Variants in CNR1 observed in about 807,000 individuals in gnomAD.
CNR1 encodes the protein cannabinoid receptor 1, also known as cannabinoid receptor 1 (brain).
In CNR1, 10 loss-of-function variants were observed where a neutral mutation model predicts 23.0. The ratio of observed to expected loss-of-function variants is 0.43; its 90% confidence interval spans 0.27 to 0.74. The LOEUF (loss-of-function observed/expected upper bound fraction) is 0.74. Ranked by LOEUF, CNR1 falls within the 30% of genes least tolerant of loss-of-function variation. The pLI, the probability that CNR1 is intolerant of heterozygous loss-of-function variation, is 0.19. For missense variants in CNR1, 422 were observed against 618.8 expected (o/e 0.68, Z 3.37); for synonymous variants, 271 against 255.2 (o/e 1.06, Z -0.59).
intron 1 of CNR1, among the ~76,000 whole-genome samples, chr6:88,155,723 A>G (rs1301798077): frequency 1.3e-5 from 2 of 152,244 alleles, no homozygotes; most frequent in Non-Finnish European, 2.9e-5. Context: ...GCAACAAAGT[A>G]TGCCAATTAA....
intron 1 of CNR1, among the ~76,000 whole-genome samples, chr6:88,146,080 T>C (rs192947710): frequency 1.7e-4 from 26 of 152,254 alleles, no homozygotes; most frequent in Admixed American, 1.4e-3. Flanking sequence ...ATGAGGCGTA[T>C]AGGAAGACAG....
At chr6:88,154,146 G>A (rs1777672065) in intron 1 of CNR1, among the ~76,000 whole-genome samples, 1 of 152,124 alleles carries the variant, frequency 6.6e-6, no homozygotes, top group Admixed American at 6.5e-5. Context: ...TAAAATAGAA[G>A]TTATTTAATG....
chr6:88,153,730 C>CATTA (rs2127760910), intron 1 of CNR1, among the ~76,000 whole-genome samples: 2 of 152,312 alleles, frequency 1.3e-5, no homozygotes, highest in Non-Finnish European at 2.9e-5. Flanking sequence ...AAATACTGTG[C>CATTA]TAATGTATTT....
chr6:88,146,567 T>A (rs1777199348), intron 1 of CNR1, among the ~76,000 whole-genome samples: 1 of 152,232 alleles, frequency 6.6e-6, no homozygotes, highest in Non-Finnish European at 1.5e-5. Context: ...AACTTTAAGG[T>A]TCTTCGATTC....
At chr6:88,155,427 C>A (rs1463074237) in intron 1 of CNR1, among the ~76,000 whole-genome samples, 3 of 152,196 alleles carry the variant, frequency 2.0e-5, no homozygotes, top group African/African-American at 7.2e-5. Context: ...CTATTCCACA[C>A]ACTCAGAGAG....
At chr6:88,164,490 C>A (rs1211145714) in intron 1 of CNR1, 1 of 152,192 alleles carries the variant, frequency 6.6e-6, no homozygotes, top group Non-Finnish European at 1.5e-5. Context: ...TGGATATAAT[C>A]TGAAAGTAAT....
In CNR1 at chr6:88,143,181, T is replaced by G. The variant is rs1582319353; in HGVS notation, c.*675A>C. The G allele has an allele frequency of 6.6e-6, 1 of 152,390 alleles. No individual in the cohort carries two copies. The highest frequency in any genetic ancestry group is 2.1e-4 in the South Asian group (1 of 4,830). 9.4% of individuals were successfully genotyped at this position (152,390 alleles called of 1,614,324 possible). A position where few individuals can be genotyped will look rare whatever the true frequency, so the allele number is the denominator to read the frequency against. The stretch of plus-strand genomic sequence containing the variant: ...TTTTGAAGTCTTCAAATTCTTCTTG[T>G]TGAGGTAACAGAAAAATAAACCTTT... On this transcript the variant is annotated 3_prime_UTR_variant, in exon 2 of 2. Coordinates refer to ENST00000369501, the MANE Select transcript of CNR1 (RefSeq NM_016083.6).
In CNR1 at chr6:88,144,909, C is replaced by T. The variant is rs776165681; in HGVS notation, c.366G>A (p.Leu122=). The T allele has an allele frequency of 6.2e-7, 1 of 1,614,198 alleles. No homozygotes were observed. The highest frequency in any genetic ancestry group is 8.5e-7 in the Non-Finnish European group (1 of 1,180,024). Residue 122 remains leucine, a synonymous_variant, in exon 2 of 2, where the codon CTG becomes CTA. Coordinates refer to ENST00000369501, the MANE Select transcript of CNR1 (RefSeq NM_016083.6). This position sits in a 1 kb window ranked among gnomAD's most constrained non-coding sequence, Gnocchi z 7.8. ...CCGTGAAGGTGCCCAGCGTGAGGGA[C>T]AGGACTGCAATGGCCAGCTGCTGGC... is the stretch of plus-strand genomic sequence containing the variant. ...NPSQQLAIAV[L]SLTLGTFTVL...
chr6:88,144,334 T>G lies in CNR1; in HGVS notation c.941A>C (p.Gln314Pro). The change falls in exon 2 of 2, where the codon CAG (glutamine) becomes CCG (proline). Residue 314 changes from glutamine (Q) to proline (P), a missense_variant. Gln to Pro is a moderately conservative substitution (Grantham distance 76). This residue lies in a region of CNR1 where 211 missense variants were observed against 357.3 expected (regional missense o/e 0.59). Coordinates refer to ENST00000369501, the MANE Select transcript of CNR1 (RefSeq NM_016083.6). This position sits in a 1 kb window ranked among gnomAD's most constrained non-coding sequence, Gnocchi z 7.8. Reference sequence around the variant, plus strand: ...AGACGTGTGGATGATGATGCTCTTCTGGGTGCCACGCTGAATCATGCGGAC... The same window carrying G: ...AGACGTGTGGATGATGATGCTCTTCGGGGTGCCACGCTGAATCATGCGGAC... ...HAVRMIQRGT[Q>P]KSIIIHTSED... 1 of 1,613,586 alleles carries G rather than the reference T, an allele frequency of 6.2e-7. No individual in the cohort carries two copies. The highest frequency in any genetic ancestry group is 8.5e-7 in the Non-Finnish European group (1 of 1,180,020).
At chr6:88,159,238 T>G (rs999569627) in intron 1 of CNR1, among the ~76,000 whole-genome samples, 2 of 152,180 alleles carry the variant, frequency 1.3e-5, no homozygotes, top group Non-Finnish European at 2.9e-5. Flanking sequence ...GAAATACTTG[T>G]TTCTGTTCTT....
chr6:88,147,223 A>C (rs575850456), intron 1 of CNR1, among the ~76,000 whole-genome samples: 29 of 152,340 alleles, frequency 1.9e-4, no homozygotes, highest in African/African-American at 6.7e-4. Context: ...GAGGCAGGAG[A>C]ATCGCTTGAA....
chr6:88,158,901 G>A (rs1359282130), intron 1 of CNR1, among the ~76,000 whole-genome samples: 1 of 152,180 alleles, frequency 6.6e-6, no homozygotes, highest in Non-Finnish European at 1.5e-5. Flanking sequence ...CATTTAGCCA[G>A]AAAATAAGAA....
intron 1 of CNR1, among the ~76,000 whole-genome samples, chr6:88,159,224 G>A (rs1777958266): frequency 6.6e-6 from 1 of 152,106 alleles, no homozygotes; most frequent in East Asian, 1.9e-4. Context: ...TTTCTTTCAA[G>A]CTGGAAATAC....
At chr6:88,152,163 C>G (rs917455450) in intron 1 of CNR1, among the ~76,000 whole-genome samples, 3 of 144,442 alleles carry the variant, frequency 2.1e-5, no homozygotes, top group Non-Finnish European at 4.5e-5. Flanking sequence ...TGCAGTGAGC[C>G]GAGATCCCGC....
At chr6:88,162,953 T>G (rs1277499621) in intron 1 of CNR1, 1 of 152,196 alleles carries the variant, frequency 6.6e-6, no homozygotes, top group Non-Finnish European at 1.5e-5. Context: ...AGAAACAGAC[T>G]TACACTGGTG....
At chr6:88,149,846 T>G (rs116583475) in intron 1 of CNR1, among the ~76,000 whole-genome samples, 1,629 of 152,264 alleles carry the variant, frequency 0.011, 39 homozygotes, top group African/African-American at 0.037. Flanking sequence ...TAATCAGGAG[T>G]TCACATATTT....
At chr6:88,150,652 T>G (rs1777470904) in intron 1 of CNR1, among the ~76,000 whole-genome samples, 1 of 152,156 alleles carries the variant, frequency 6.6e-6, no homozygotes, top group Non-Finnish European at 1.5e-5. Context: ...TGCAATAAAT[T>G]GAATCCAACC....
chr6:88,150,415 C>T (rs953665611), intron 1 of CNR1, among the ~76,000 whole-genome samples: 2 of 151,998 alleles, frequency 1.3e-5, no homozygotes, highest in Non-Finnish European at 2.9e-5. Flanking sequence ...CATATTCAAA[C>T]AAATATATGT....
chr6:88,164,860 T>C (rs1778289610), intron 1 of CNR1, among the ~76,000 whole-genome samples: 1 of 152,200 alleles, frequency 6.6e-6, no homozygotes, highest in Non-Finnish European at 1.5e-5. Context: ...GAGGAGAAGT[T>C]ATGGGACCCA....
Sources: gnomAD v4.1 joint callset for allele counts (sites outside exome capture counted in the v4.1 genomes callset) on GRCh38, gnomAD v4.1.1 for gene constraint, gnomAD v4.1.1 regional missense constraint, Gnocchi (gnomAD v3.1) non-coding constraint, MANE v1.5 for transcripts, NCBI Gene and HGNC (gene_info 2026-07-23, HGNC 2026-07-21) for gene names.